Variants in ARHGAP26 observed in about 807,000 individuals in gnomAD.
ARHGAP26 encodes the protein rho GTPase-activating protein 26.
A neutral mutation model predicts 104.8 loss-of-function variants in ARHGAP26; 38 were observed. That is an observed-to-expected ratio of 0.36 (90% confidence interval 0.28 to 0.48). The LOEUF is 0.48. ARHGAP26 is among the 20% of genes least tolerant of loss of function. The pLI is 0.99. For missense variants in ARHGAP26, 704 were observed against 947.9 expected (o/e 0.74, Z 3.38); for synonymous variants, 341 against 340.0 (o/e 1.00, Z -0.03).
At chr5:143,109,597 G>A (rs562320994) in intron 17 of ARHGAP26, among the ~76,000 whole-genome samples, 4 of 152,136 alleles carry the variant, frequency 2.6e-5, no homozygotes, top group African/African-American at 9.6e-5. Context: ...TGGGACTACA[G>A]GCACACCACA....
At chr5:143,019,657 A>T (rs1038457995) in intron 12 of ARHGAP26, among the ~76,000 whole-genome samples, 1 of 152,224 alleles carries the variant, frequency 6.6e-6, no homozygotes, top group African/African-American at 2.4e-5. Context: ...CAGAGAGAAC[A>T]CACCAGTCCA....
chr5:142,786,892 G>A lies in ARHGAP26; in HGVS notation c.154+15977G>A, dbSNP rs542152684. Among the ~76,000 whole-genome samples, 4 of 151,996 alleles carry A rather than the reference G, an allele frequency of 2.6e-5. No homozygotes were observed. In the South Asian group the frequency reaches 6.2e-4, roughly 24 times the overall value. The stretch of plus-strand genomic sequence containing the variant: ...GAACTCCTGACCTCGTGATCTGCCC[G>A]CCTTGGCCTCCCAAAGTGCTGAGAT... On this transcript the variant is annotated intron_variant, in intron 1 of 22. Coordinates refer to ENST00000645722, the MANE Select transcript of ARHGAP26 (RefSeq NM_001135608.3).
intron 11 of ARHGAP26, among the ~76,000 whole-genome samples, chr5:143,013,704 A>G (rs1018094658): frequency 6.6e-6 from 1 of 152,178 alleles, no homozygotes; most frequent in Non-Finnish European, 1.5e-5. Context: ...CATGTTGATG[A>G]TTTCAGATCA....
At chr5:143,013,050 A>G (rs540521916) in intron 11 of ARHGAP26, among the ~76,000 whole-genome samples, 1 of 152,238 alleles carries the variant, frequency 6.6e-6, no homozygotes, top group East Asian at 1.9e-4. Flanking sequence ...AATCCAGCCC[A>G]CCACCTTCTT....
In ARHGAP26 at chr5:143,225,353, A is replaced by G; in HGVS notation, c.*2907A>G. The stretch of plus-strand genomic sequence containing the variant: ...CAGGCATGAGCCATCACACCCAGCT[A>G]GTTTTTTGTATTTTTAGTAAAGATG... On this transcript the variant is annotated 3_prime_UTR_variant, in exon 23 of 23. Coordinates refer to ENST00000645722, the MANE Select transcript of ARHGAP26 (RefSeq NM_001135608.3). 1 of 182,528 alleles carries G rather than the reference A, an allele frequency of 5.5e-6. No homozygotes were observed. Among genetic ancestry groups the G allele is most frequent in the South Asian group, 2.0e-4 (1 of 5,076 alleles). 11.3% of individuals were successfully genotyped at this position (182,528 alleles called of 1,614,324 possible).
intron 3 of ARHGAP26, among the ~76,000 whole-genome samples, chr5:142,876,782 A>G (rs1175111852): frequency 6.8e-6 from 1 of 146,036 alleles, no homozygotes; most frequent in Admixed American, 6.7e-5. Context: ...GTGTCAAAAA[A>G]AAAAAAAAAA....
Position 143,037,183 on chromosome 5 carries a change from C to A in ARHGAP26, c.1145-13C>A. Reference sequence around the variant, plus strand: ...TGGCTAGCAACTTGACTGTCCTTCTCTTGCTCTTTCAGCTGCGCAGTTGGA... The same window carrying A: ...TGGCTAGCAACTTGACTGTCCTTCTATTGCTCTTTCAGCTGCGCAGTTGGA... On this transcript the variant is annotated splice_polypyrimidine_tract_variant and intron_variant, in intron 12 of 22. Transcript: ENST00000645722. 7 of 1,596,164 alleles carry A rather than the reference C, an allele frequency of 4.4e-6. No individual in the cohort carries two copies. The highest frequency in any genetic ancestry group is 6.0e-6 in the Non-Finnish European group (7 of 1,166,416).
chr5:142,927,375 T>A (rs1367491796), intron 10 of ARHGAP26, among the ~76,000 whole-genome samples: 1 of 152,042 alleles, frequency 6.6e-6, no homozygotes, highest in Admixed American at 6.5e-5. Context: ...TTGCCATAGA[T>A]GAGTTTTGCA....
chr5:143,090,717 T>C (rs1269522474), intron 17 of ARHGAP26, among the ~76,000 whole-genome samples: 3 of 152,172 alleles, frequency 2.0e-5, no homozygotes, highest in Non-Finnish European at 4.4e-5. Flanking sequence ...GTAAAATGAA[T>C]GTATGGTTTT....
At chr5:142,883,945 T>G (rs540994008) in intron 4 of ARHGAP26, among the ~76,000 whole-genome samples, 26 of 152,120 alleles carry the variant, frequency 1.7e-4, no homozygotes, top group Non-Finnish European at 3.5e-4. Context: ...TTACACAGAG[T>G]GGTTGCTGAT....
intron 17 of ARHGAP26, among the ~76,000 whole-genome samples, chr5:143,071,378 G>C (rs1302600271): frequency 6.6e-6 from 1 of 152,186 alleles, no homozygotes; most frequent in Non-Finnish European, 1.5e-5. Context: ...ACTGGGGAAA[G>C]GATAATCTCT....
In ARHGAP26 at chr5:143,054,491, A is replaced by C. The variant is rs777301452; in HGVS notation, c.1338A>C (p.Ile446=). Residue 446 remains isoleucine, a synonymous_variant, in exon 15 of 23, where the codon ATA becomes ATC. Coordinates refer to ENST00000645722, the MANE Select transcript of ARHGAP26 (RefSeq NM_001135608.3). ...TETDICAEWE[I]KTITSALKTY... ...CAGATATCTGTGCTGAATGGGAGAT[A>C]AAGACCATCACTAGTGCTCTGAAGA... 2 of 1,613,668 alleles carry C rather than the reference A, an allele frequency of 1.2e-6. No individual in the cohort carries two copies. Among genetic ancestry groups the C allele is most frequent in the Non-Finnish European group, 1.7e-6 (2 of 1,179,744 alleles).
At chr5:142,854,889 T>C (rs1449783971) in intron 1 of ARHGAP26, among the ~76,000 whole-genome samples, 2 of 152,176 alleles carry the variant, frequency 1.3e-5, no homozygotes, top group Non-Finnish European at 2.9e-5. Context: ...TTCTCTACTC[T>C]ACGCTCCCAT....
chr5:143,183,745 T>C (rs1396425473), intron 20 of ARHGAP26, among the ~76,000 whole-genome samples: 1 of 152,186 alleles, frequency 6.6e-6, no homozygotes, highest in Admixed American at 6.5e-5. Flanking sequence ...CACCAACTCC[T>C]TAGTGTCTGA....
intron 17 of ARHGAP26, among the ~76,000 whole-genome samples, chr5:143,066,229 T>C (rs1336830981): frequency 6.6e-6 from 1 of 152,194 alleles, no homozygotes; most frequent in African/African-American, 2.4e-5. Flanking sequence ...CGAGGAGCAA[T>C]AGGCTATACC....
At chr5:142,806,793 A>G (rs1042589063) in intron 1 of ARHGAP26, among the ~76,000 whole-genome samples, 12 of 152,220 alleles carry the variant, frequency 7.9e-5, no homozygotes, top group African/African-American at 2.9e-4. Flanking sequence ...TCCTTTTGGT[A>G]GTACAAAGAA....
intron 1 of ARHGAP26, among the ~76,000 whole-genome samples, chr5:142,853,221 G>T (rs1332977899): frequency 6.6e-6 from 1 of 152,012 alleles, no homozygotes; most frequent in African/African-American, 2.4e-5. Flanking sequence ...GTCTTCTTTT[G>T]TCGCCTAGGC....
At chr5:142,884,673 T>A (rs187479796) in intron 4 of ARHGAP26, among the ~76,000 whole-genome samples, 1 of 152,372 alleles carries the variant, frequency 6.6e-6, no homozygotes, top group East Asian at 1.9e-4. Flanking sequence ...TTGGAAGTGA[T>A]GTTGCTGCTG....
Position 142,929,588 on chromosome 5 carries a change from G to A in ARHGAP26, c.1029-2459G>A, listed in dbSNP as rs1225726071. Among the ~76,000 whole-genome samples, 3 of 152,146 alleles carry A rather than the reference G, an allele frequency of 2.0e-5. No individual in the cohort carries two copies. The East Asian group carries it at 5.8e-4, about 29-fold the overall frequency. On this transcript the variant is annotated intron_variant, in intron 10 of 22. Transcript: ENST00000645722. ...CCTACCCCACTTCCCCTGTAAAAGGGAACAAGACCACATGTGGAAAAGAAC... is the reference window on the plus strand; with the variant it reads ...CCTACCCCACTTCCCCTGTAAAAGGAAACAAGACCACATGTGGAAAAGAAC...
Sources: allele counts gnomAD v4.1 joint callset (sites outside exome capture counted in the v4.1 genomes callset), GRCh38; gene constraint gnomAD v4.1.1; transcripts MANE v1.5; gene names NCBI Gene and HGNC (gene_info 2026-07-23, HGNC 2026-07-21).